The following TAFA1 variants were observed in gnomAD, a reference collection of about 807,000 sequenced individuals.
The protein encoded by TAFA1 is TAFA chemokine like family member 1, also known as chemokine-like protein TAFA-1.
A neutral mutation model predicts 18.5 loss-of-function variants in TAFA1; 4 were observed. The ratio of observed to expected loss-of-function variants is 0.22; its 90% CI spans 0.11 to 0.49. The LOEUF is 0.49. Ranked by LOEUF, TAFA1 falls within the 20% of genes least tolerant of loss-of-function variation. The probability of loss-of-function intolerance (pLI) is 0.98; values close to 1 mark genes in which losing one functional copy is unlikely to be tolerated. For synonymous variants in TAFA1, 56 were observed against 55.2 expected, an observed-to-expected ratio of 1.01 and a Z score of -0.06; for missense variants, 147 against 169.0, an observed-to-expected ratio of 0.87 and a Z score of 0.72.
At chr3:68,456,414 A>G (rs2071667406) in intron 3 of TAFA1, among the ~76,000 whole-genome samples, 1 of 152,130 alleles carries the variant, frequency 6.6e-6, no homozygotes, top group South Asian at 2.1e-4. Flanking sequence ...CTTCAGGCAG[A>G]TGCTCTTTCT....
intron 3 of TAFA1, among the ~76,000 whole-genome samples, chr3:68,461,379 A>G (rs1559679351): frequency 7.1e-6 from 1 of 141,304 alleles, no homozygotes; most frequent in African/African-American, 2.6e-5. Context: ...ATATATATAT[A>G]TGTATGTATG....
intron 2 of TAFA1, among the ~76,000 whole-genome samples, chr3:68,367,804 G>A (rs1575809374): frequency 6.6e-6 from 1 of 152,144 alleles, no homozygotes; most frequent in East Asian, 1.9e-4. Context: ...TTAAGCCAAG[G>A]TTGAGAAGTG....
At chr3:68,060,404 T>G (rs945183414) in intron 2 of TAFA1, among the ~76,000 whole-genome samples, 2 of 152,158 alleles carry the variant, frequency 1.3e-5, no homozygotes, top group Non-Finnish European at 2.9e-5. Flanking sequence ...GCCATAAAAC[T>G]GACTGATGCA....
At position 68,532,726 on chromosome 3, in the gene TAFA1, C is replaced by G. The variant is rs959987318; in HGVS notation, c.260-6030C>G. Among the ~76,000 whole-genome samples the G allele has an allele frequency of 9.2e-5, 14 of 151,960 alleles. No homozygotes were observed. The East Asian group carries it at 1.2e-3, about 13-fold the overall frequency. ...TTTTATTAAATCTAGTGGATCAATT[C>G]TCTTTCAATAACCTGAAGGTTTTCA... On this transcript the variant is annotated intron_variant, in intron 3 of 4. Transcript: ENST00000478136.
At chr3:68,030,844 A>G (rs890845273) in intron 2 of TAFA1, among the ~76,000 whole-genome samples, 1 of 152,126 alleles carries the variant, frequency 6.6e-6, no homozygotes, top group East Asian at 1.9e-4. Flanking sequence ...GAGGTTTCCC[A>G]GAAAAGATGC....
At chr3:68,184,928 C>T (rs974049500) in intron 2 of TAFA1, among the ~76,000 whole-genome samples, 1 of 152,114 alleles carries the variant, frequency 6.6e-6, no homozygotes, top group East Asian at 1.9e-4. Flanking sequence ...TTTTCTACAT[C>T]CTTCACTTGA....
intron 2 of TAFA1, among the ~76,000 whole-genome samples, chr3:68,175,530 G>C (rs569247380): frequency 6.6e-6 from 1 of 152,280 alleles, no homozygotes; most frequent in East Asian, 1.9e-4. Flanking sequence ...TTTAAGATTC[G>C]TCTGCCCTGC....
chr3:68,501,644 T>C (rs964480557), intron 3 of TAFA1, among the ~76,000 whole-genome samples: 8 of 152,196 alleles, frequency 5.3e-5, no homozygotes, highest in African/African-American at 1.9e-4. Context: ...GACAGGTAAG[T>C]TGCAGAGAGT....
intron 2 of TAFA1, among the ~76,000 whole-genome samples, chr3:68,292,990 C>T (rs752673189): frequency 1.2e-4 from 19 of 152,080 alleles, no homozygotes; most frequent in Non-Finnish European, 2.5e-4. Context: ...TTCTCAAAAG[C>T]TACGTATTCA....
At chr3:68,203,095 T>C (rs2066486427) in intron 2 of TAFA1, among the ~76,000 whole-genome samples, 1 of 151,798 alleles carries the variant, frequency 6.6e-6, no homozygotes, top group Non-Finnish European at 1.5e-5. Context: ...CTGTTTTTTC[T>C]TTCAACCCTT....
intron 2 of TAFA1, chr3:68,145,402 T>C: frequency 1.2e-6 from 1 of 848,180 alleles, no homozygotes. Context: ...CTGATGATTT[T>C]GCAGCCTTTG....
chr3:68,328,869 G>T (rs1169190425), intron 2 of TAFA1, among the ~76,000 whole-genome samples: 1 of 151,976 alleles, frequency 6.6e-6, no homozygotes, highest in Non-Finnish European at 1.5e-5. Flanking sequence ...TAAGAAGAAA[G>T]GTGACTAGTG....
At chr3:68,526,074 A>G (rs1223328364) in intron 3 of TAFA1, among the ~76,000 whole-genome samples, 1 of 152,190 alleles carries the variant, frequency 6.6e-6, no homozygotes, top group Non-Finnish European at 1.5e-5. Context: ...AGGTGAGTTC[A>G]GAGTTAAGAG....
intron 3 of TAFA1, among the ~76,000 whole-genome samples, chr3:68,420,455 A>G (rs759007233): frequency 6.6e-6 from 1 of 152,142 alleles, no homozygotes; most frequent in Non-Finnish European, 1.5e-5. Context: ...CCTGGGCTCA[A>G]GCAACCCTCC....
At chr3:68,257,798 T>C (rs1216947263) in intron 2 of TAFA1, among the ~76,000 whole-genome samples, 1 of 152,082 alleles carries the variant, frequency 6.6e-6, no homozygotes, top group Non-Finnish European at 1.5e-5. Context: ...AACCTCACAG[T>C]GGATAAACTT....
chr3:68,428,635 T>C (rs910644567), intron 3 of TAFA1, among the ~76,000 whole-genome samples: 6 of 151,964 alleles, frequency 3.9e-5, no homozygotes, highest in Non-Finnish European at 8.8e-5. Context: ...TTCACCTGTT[T>C]CGTTTATGAA....
rs529148915 is a variant in TAFA1 at position 68,438,310 on chromosome 3, T to C, written c.259+20890T>C. On this transcript the variant is annotated intron_variant, in intron 3 of 4. Coordinates refer to ENST00000478136, the MANE Select transcript of TAFA1 (RefSeq NM_213609.4). ...AGTGGGAGGTTACAGTGAGCCAGGATTGTATCACTGCACTCCAGCCCAGGA... is the reference window on the plus strand; with the variant it reads ...AGTGGGAGGTTACAGTGAGCCAGGACTGTATCACTGCACTCCAGCCCAGGA... 2.6e-5 allele frequency among the ~76,000 whole-genome samples: 4 copies of C among 152,194 alleles called. No individual in the cohort carries two copies. The East Asian group carries it at 7.7e-4, about 29-fold the overall frequency.
intron 2 of TAFA1, among the ~76,000 whole-genome samples, chr3:68,163,609 T>A (rs1276458398): frequency 1.3e-5 from 2 of 152,218 alleles, no homozygotes; most frequent in South Asian, 2.1e-4. Flanking sequence ...ATCTCTATCA[T>A]GGCATAATTC....
chr3:68,342,287 C>A (rs2069098646), intron 2 of TAFA1, among the ~76,000 whole-genome samples: 1 of 152,198 alleles, frequency 6.6e-6, no homozygotes, highest in East Asian at 1.9e-4. Context: ...GATTTGCCAT[C>A]TTGATGCAGA....
Sources: allele counts gnomAD v4.1 joint callset (sites outside exome capture counted in the v4.1 genomes callset), GRCh38; gene constraint gnomAD v4.1.1; transcripts MANE v1.5; gene names NCBI Gene and HGNC (gene_info 2026-07-23, HGNC 2026-07-21).